GSDMC: variants seen among roughly 807,000 people sequenced by gnomAD.
The protein encoded by GSDMC is gasdermin-C.
A neutral mutation model predicts 58.0 loss-of-function variants in GSDMC; 59 were observed. The ratio of observed to expected loss-of-function variants is 1.02; its 90% CI spans 0.82 to 1.26. The LOEUF (loss-of-function observed/expected upper bound fraction) is 1.26. GSDMC is among the 50% of genes most tolerant of loss of function. The probability of loss-of-function intolerance (pLI) is 0.00; values close to 1 mark genes in which losing one functional copy is unlikely to be tolerated. For synonymous variants in GSDMC, 241 were observed against 220.2 expected, an observed-to-expected ratio of 1.09 and a Z score of -0.83; for missense variants, 659 against 598.5, an observed-to-expected ratio of 1.10 and a Z score of -1.06.
At chr8:129,751,114 AAGAG>A (rs887272078) in intron 10 of GSDMC, among the ~76,000 whole-genome samples, 1 of 151,590 alleles carries the variant, frequency 6.6e-6, no homozygotes, top group African/African-American at 2.4e-5. Context: ...TCAAAAAAAC[AAGAG>A]AGAGAGAGAG....
At position 129,752,121 on chromosome 8, in the gene GSDMC, T is replaced by G. The variant is rs529616613; in HGVS notation, c.871A>C (p.Ser291Arg). 6.2e-7 allele frequency: 1 copy of G among 1,613,404 alleles called. No homozygotes were observed. Among genetic ancestry groups the G allele is most frequent in the South Asian group, 1.1e-5 (1 of 91,054 alleles). ...TTCCACTCACTTGGCAAATGCCCGC[T>G]CAAAAATTGCTGTGTCAGAAATAGC... is the stretch of plus-strand genomic sequence containing the variant. ...PELFLTQQFLSGHLPKYEQVH... is the reference protein window; with the variant it reads ...PELFLTQQFLRGHLPKYEQVH... Residue 291 changes from serine (S) to arginine (R), a missense_variant, in exon 8 of 14, where the codon AGC (serine) becomes CGC (arginine). By Grantham distance (110) the Ser-to-Arg change is moderately radical (BLOSUM62 -1). Coordinates refer to ENST00000276708, the MANE Select transcript of GSDMC (RefSeq NM_031415.3).
intron 1 of GSDMC, among the ~76,000 whole-genome samples, chr8:129,778,868 C>T (rs10097810): frequency 0.67 from 101,427 of 151,616 alleles, 35,788 homozygotes; most frequent in African/African-American, 0.9. Flanking sequence ...AAGCTCAACA[C>T]CACTGATCAT....
chr8:129,735,338 A>G, the GSDMC span, among the ~76,000 whole-genome samples: 6 of 152,216 alleles, frequency 3.9e-5, no homozygotes, highest in Non-Finnish European at 5.9e-5. Flanking sequence ...TCCACCCCAA[A>G]TCAACAGAAT....
At chr8:129,750,657 A>G (rs931645077) in intron 10 of GSDMC, 87 bp from the exon 11 acceptor site, 1 of 1,367,642 alleles carries the variant, frequency 7.3e-7, no homozygotes. Flanking sequence ...TTGCACGAAT[A>G]TGAACCAAAC....
chr8:129,748,679 G>A lies in GSDMC; in HGVS notation c.1349C>T (p.Pro450Leu). ...YPWSIPFTLK[P>L]ELLAPLQSEG... ...ACTCTGGAGTGGGGCGAGGAGCTCAGGTTTGAGGGTGAAGGGAATGCTCCA... is the reference window on the plus strand; with the variant it reads ...ACTCTGGAGTGGGGCGAGGAGCTCAAGTTTGAGGGTGAAGGGAATGCTCCA... Residue 450 changes from proline (P) to leucine (L), a missense_variant, in exon 14 of 14, where the codon CCT (proline) becomes CTT (leucine). Pro to Leu is a moderately conservative substitution (Grantham distance 98). Transcript: ENST00000276708. 1.9e-6 allele frequency: 3 copies of A among 1,605,040 alleles called. No individual in the cohort carries two copies. The highest frequency in any genetic ancestry group is 2.6e-6 in the Non-Finnish European group (3 of 1,175,952).
chr8:129,755,708 G>A (rs1474909681), intron 6 of GSDMC, among the ~76,000 whole-genome samples: 9 of 152,046 alleles, frequency 5.9e-5, no homozygotes, highest in Admixed American at 5.9e-4. Context: ...AAGTTAGAAA[G>A]CGGGAAGGTA....
At chr8:129,707,830 T>C in the GSDMC span, among the ~76,000 whole-genome samples, 2 of 152,238 alleles carry the variant, frequency 1.3e-5, no homozygotes, top group Admixed American at 6.5e-5. Flanking sequence ...TACAAGGAAA[T>C]AGCACAAATA....
intron 6 of GSDMC, among the ~76,000 whole-genome samples, chr8:129,753,979 G>A (rs1171558021): frequency 6.6e-6 from 1 of 152,212 alleles, no homozygotes; most frequent in Non-Finnish European, 1.5e-5. Flanking sequence ...CTTAGCAGCA[G>A]TAGAGCAGAA....
At chr8:129,770,614 A>G (rs1218520937) in intron 3 of GSDMC, among the ~76,000 whole-genome samples, 2 of 152,224 alleles carry the variant, frequency 1.3e-5, no homozygotes, top group Non-Finnish European at 2.9e-5. Flanking sequence ...CATTGTAACT[A>G]CAAAGGAAAA....
At chr8:129,708,627 G>A in the GSDMC span, among the ~76,000 whole-genome samples, 1 of 152,236 alleles carries the variant, frequency 6.6e-6, no homozygotes, top group Non-Finnish European at 1.5e-5. Flanking sequence ...GTTGTCATGG[G>A]AACGGAAGTC....
intron 6 of GSDMC, 63 bp downstream of exon 6, chr8:129,760,482 T>C: frequency 1.1e-6 from 1 of 889,360 alleles, no homozygotes; most frequent in Non-Finnish European, 1.8e-6. Flanking sequence ...ACCTTATAAA[T>C]ATACATACCT....
chr8:129,771,383 CA>C (rs140504575), intron 3 of GSDMC, among the ~76,000 whole-genome samples: 4,764 of 152,184 alleles, frequency 0.031, 243 homozygotes, highest in African/African-American at 0.1. Context: ...TTCTCCAGAG[CA>C]CATGGAACAT....
Position 129,762,724 on chromosome 8 carries a change from C to T in GSDMC, c.578G>A (p.Gly193Asp). 2 of 1,610,236 alleles carry T rather than the reference C, an allele frequency of 1.2e-6. No homozygotes were observed. The highest frequency in any genetic ancestry group is 1.7e-6 in the Non-Finnish European group (2 of 1,176,440). ...CTTCACTCTGAGACTCTCTCCTTGG[C>T]CTTGACCCTGGGGAGAGAAACCAGA... ...ALWITYGKGQ[G>D]QGESLRVKKK... The change falls in exon 5 of 14, where the codon GGC (glycine) becomes GAC (aspartate). Residue 193 changes from glycine (G) to aspartate (D), a missense_variant. By Grantham distance (94) the Gly-to-Asp change is moderately conservative (BLOSUM62 -1). Transcript: ENST00000276708.
the GSDMC span, among the ~76,000 whole-genome samples, chr8:129,714,464 C>T: frequency 6.6e-6 from 1 of 152,194 alleles, no homozygotes; most frequent in Non-Finnish European, 1.5e-5. Context: ...GAGCTTCTTT[C>T]ATGACCAGTG....
Position 129,786,274 on chromosome 8 carries a change from G to A in GSDMC, c.-268C>T, listed in dbSNP as rs928845134. 7 of 151,894 alleles carry A rather than the reference G, an allele frequency of 4.6e-5. No homozygotes were observed. The highest frequency in any genetic ancestry group is 2.0e-4 in the Admixed American group (3 of 15,202). 9.4% of individuals were successfully genotyped at this position (151,894 alleles called of 1,614,324 possible). ...TTGAACCCGGGAGGCAGAGGTTGCA[G>A]TGAGCTGAGACCATGCCGCTGCACT... On this transcript the variant is annotated 5_prime_UTR_variant, in exon 1 of 14. Transcript: ENST00000276708.
intron 2 of GSDMC, among the ~76,000 whole-genome samples, chr8:129,776,743 GTTGTTGTTGTTGTTGTTT>G (rs1226363965): frequency 6.7e-6 from 1 of 149,404 alleles, no homozygotes; most frequent in Non-Finnish European, 1.5e-5. Context: ...TTTTGCTGTT[GTTGTTGTTGTTGTTGTTT>G]TTGTTGTTGT....
chr8:129,743,809 T>A (rs987245954), downstream of GSDMC, among the ~76,000 whole-genome samples: 3 of 152,200 alleles, frequency 2.0e-5, no homozygotes, highest in Non-Finnish European at 4.4e-5. Flanking sequence ...TTATCCCTTC[T>A]ACTAAGACAT....
chr8:129,776,735 TTGC>T (rs2034240060), intron 2 of GSDMC, among the ~76,000 whole-genome samples: 1 of 116,602 alleles, frequency 8.6e-6, no homozygotes, highest in African/African-American at 4.1e-5. Flanking sequence ...TGTTTGGTTT[TTGC>T]TGTTGTTGTT....
the GSDMC span, among the ~76,000 whole-genome samples, chr8:129,705,796 G>A: frequency 6.6e-6 from 1 of 152,186 alleles, no homozygotes; most frequent in Non-Finnish European, 1.5e-5. Flanking sequence ...GTGAAGGGGA[G>A]GAGTAGAAGA....
Sources: gnomAD v4.1 joint callset for allele counts (sites outside exome capture counted in the v4.1 genomes callset) on GRCh38, gnomAD v4.1.1 for gene constraint, MANE v1.5 for transcripts, NCBI Gene and HGNC (gene_info 2026-07-23, HGNC 2026-07-21) for gene names.